Variants in RERE observed in about 807,000 individuals in gnomAD.
RERE encodes the protein arginine-glutamic acid dipeptide repeats protein.
In RERE, 40 loss-of-function variants were observed where a neutral mutation model predicts 146.1. The observed-to-expected ratio is 0.27, with a 90% CI of 0.21 to 0.36. RERE has a LOEUF of 0.36. Ranked by LOEUF, RERE falls within the 10% of genes least tolerant of loss-of-function variation. The pLI, the probability that RERE is intolerant of heterozygous loss-of-function variation, is 1.00. For synonymous variants in RERE, 1,003 were observed against 866.0 expected, an observed-to-expected ratio of 1.16 and a Z score of -2.78; for missense variants, 1,933 against 2,138.7, an observed-to-expected ratio of 0.90 and a Z score of 1.90.
At chr1:8,418,741 A>G (rs1266227196) in intron 12 of RERE, among the ~76,000 whole-genome samples, 1 of 152,254 alleles carries the variant, frequency 6.6e-6, no homozygotes. Flanking sequence ...TTATTTTTGG[A>G]TCATCCACGA....
chr1:8,683,624 T>C (rs139299332), intron 1 of RERE, among the ~76,000 whole-genome samples: 132 of 152,204 alleles, frequency 8.7e-4, no homozygotes, highest in African/African-American at 2.9e-3. Flanking sequence ...AAACAAAATA[T>C]ATGCATTTAT....
chr1:8,607,070 G>A (rs1447204283), intron 4 of RERE, among the ~76,000 whole-genome samples: 1 of 152,044 alleles, frequency 6.6e-6, no homozygotes, highest in African/African-American at 2.4e-5. Context: ...ATTTATAGAA[G>A]ATATTGCCGG....
chr1:8,494,334 C>CA (rs1436142118), intron 10 of RERE, among the ~76,000 whole-genome samples: 3 of 152,160 alleles, frequency 2.0e-5, no homozygotes, highest in Non-Finnish European at 4.4e-5. Flanking sequence ...CAGTGAAGTA[C>CA]AAAAACACGG....
At chr1:8,495,729 G>A (rs1645036526) in intron 9 of RERE, among the ~76,000 whole-genome samples, 1 of 152,172 alleles carries the variant, frequency 6.6e-6, no homozygotes, top group African/African-American at 2.4e-5. Flanking sequence ...AGATTTGAGA[G>A]CATGAAGAAT....
intron 1 of RERE, among the ~76,000 whole-genome samples, chr1:8,677,042 A>G (rs1214305989): frequency 6.6e-6 from 1 of 152,102 alleles, no homozygotes; most frequent in Non-Finnish European, 1.5e-5. Context: ...CCTGTGCTTG[A>G]GCTCACCCTT....
chr1:8,787,207 AC>A (rs1641274533), intron 1 of RERE, among the ~76,000 whole-genome samples: 1 of 152,172 alleles, frequency 6.6e-6, no homozygotes, highest in East Asian at 1.9e-4. Context: ...GGATTTTTGC[AC>A]CTGATGTTCC....
chr1:8,424,862 A>T (rs1292561742), intron 11 of RERE: 2 of 152,674 alleles, frequency 1.3e-5, no homozygotes, highest in Non-Finnish European at 2.9e-5. Context: ...CAGGGCTTCC[A>T]GCAGAAGTCA....
At chr1:8,359,583 G>A (rs189002383) in intron 19 of RERE, among the ~76,000 whole-genome samples, 181 bp downstream of exon 19, 12 of 152,302 alleles carry the variant, frequency 7.9e-5, no homozygotes, top group South Asian at 4.1e-4. Flanking sequence ...CAGTTACCCC[G>A]GCAGCTTCGG....
chr1:8,723,508 T>C (rs1639902033), intron 1 of RERE, among the ~76,000 whole-genome samples: 1 of 152,208 alleles, frequency 6.6e-6, no homozygotes, highest in Non-Finnish European at 1.5e-5. Flanking sequence ...ACAAGGTCTT[T>C]AAAGGGTTCA....
chr1:8,766,421 T>C (rs1331305845), intron 1 of RERE, among the ~76,000 whole-genome samples: 1 of 151,278 alleles, frequency 6.6e-6, no homozygotes, highest in Non-Finnish European at 1.5e-5. Context: ...GCACCTATAA[T>C]CCCAGCTACT....
intron 4 of RERE, among the ~76,000 whole-genome samples, chr1:8,587,921 A>AG (rs1646445947): frequency 6.6e-6 from 1 of 152,194 alleles, no homozygotes; most frequent in African/African-American, 2.4e-5. Flanking sequence ...TGTTCTCTGC[A>AG]GGGTATGTTG....
chr1:8,739,020 ACT>A (rs1412292296), intron 1 of RERE, among the ~76,000 whole-genome samples: 30 of 152,164 alleles, frequency 2.0e-4, no homozygotes, highest in African/African-American at 6.5e-4. Flanking sequence ...CTAACAGAAC[ACT>A]CTATGTCCAG....
Position 8,364,428 on chromosome 1 carries a change from G to A in RERE, c.1541-173C>T, listed in dbSNP as rs907698918. ...CTGCCCTGCTCCCCCAAGGCCAGGA[G>A]AGGGTTTCAGGGGCATCTGCTGCCC... is the stretch of plus-strand genomic sequence containing the variant. On this transcript the variant is annotated intron_variant, in intron 14 of 22. Transcript: ENST00000400908. This position sits in a 1 kb window ranked among gnomAD's most constrained non-coding sequence, Gnocchi z 5.1. Among the ~76,000 whole-genome samples the A allele has an allele frequency of 6.6e-6, 1 of 152,064 alleles. No homozygotes were observed. The highest frequency in any genetic ancestry group is 2.4e-5 in the African/African-American group (1 of 41,400).
chr1:8,637,819 C>T (rs556321180), intron 2 of RERE, among the ~76,000 whole-genome samples: 1 of 152,184 alleles, frequency 6.6e-6, no homozygotes, highest in Admixed American at 6.5e-5. Flanking sequence ...CTTTTATAGG[C>T]CAAAGCCCTA....
chr1:8,636,467 G>T (rs1040043364), intron 2 of RERE, among the ~76,000 whole-genome samples: 1 of 152,182 alleles, frequency 6.6e-6, no homozygotes, highest in South Asian at 2.1e-4. Flanking sequence ...CCAGGAGTAT[G>T]AGCCTGCAGT....
At chr1:8,410,008 C>T (rs537808007) in intron 12 of RERE, among the ~76,000 whole-genome samples, 14 of 130,576 alleles carry the variant, frequency 1.1e-4, no homozygotes, top group Non-Finnish European at 1.9e-4. Flanking sequence ...TTACTAAATC[C>T]GAACATTAAT....
chr1:8,396,545 C>T (rs552344677), intron 12 of RERE, among the ~76,000 whole-genome samples: 8 of 152,208 alleles, frequency 5.3e-5, no homozygotes, highest in African/African-American at 1.4e-4. Flanking sequence ...TGGATAACAA[C>T]GGAAGCAGTC....
At position 8,364,629 on chromosome 1, in the gene RERE, G is replaced by A; in HGVS notation, c.1540+117C>T. 1.3e-6 allele frequency: 1 copy of A among 750,148 alleles called. No individual in the cohort carries two copies. 46.5% of individuals were successfully genotyped at this position (750,148 alleles called of 1,614,324 possible). ...ACTTTCTCGAATCCCGAAGCACAATGCAAATGTCAAATCAAGTACTGTCCC... is the reference window on the plus strand; with the variant it reads ...ACTTTCTCGAATCCCGAAGCACAATACAAATGTCAAATCAAGTACTGTCCC... On this transcript the variant is annotated intron_variant, in intron 14 of 22. Transcript: ENST00000400908. The surrounding 1 kb of genome is among the most constrained non-coding windows in gnomAD (Gnocchi z 5.1).
chr1:8,641,884 A>T (rs929470787), intron 2 of RERE, among the ~76,000 whole-genome samples: 4 of 152,152 alleles, frequency 2.6e-5, no homozygotes, highest in Non-Finnish European at 5.9e-5. Context: ...GATAATGGAG[A>T]CTTAGCAACT....
Sources: allele counts gnomAD v4.1 joint callset (sites outside exome capture counted in the v4.1 genomes callset), GRCh38; gene constraint gnomAD v4.1.1; non-coding constraint Gnocchi (gnomAD v3.1); transcripts MANE v1.5; gene names NCBI Gene and HGNC (gene_info 2026-07-23, HGNC 2026-07-21).